Variants in PHF21A observed in about 807,000 individuals in gnomAD.
PHF21A encodes the protein PHD finger protein 21A.
In PHF21A, 11 loss-of-function variants were observed where a neutral mutation model predicts 82.5. That is an observed-to-expected ratio of 0.13 (90% CI 0.08 to 0.22). PHF21A has a LOEUF of 0.22. Among genes scored for constraint, PHF21A ranks in the 10% least tolerant of loss-of-function variants. The pLI is 1.00. For missense variants in PHF21A, 579 were observed against 837.8 expected, an observed-to-expected ratio of 0.69 and a Z score of 3.81; for synonymous variants, 297 against 302.8, an observed-to-expected ratio of 0.98 and a Z score of 0.20.
Position 45,946,001 on chromosome 11 carries a change from G to C in PHF21A, c.1291C>G (p.Arg431Gly). ...TMHPGTRKRGRPPKYNAVLGF... is the reference protein window; with the variant it reads ...TMHPGTRKRGGPPKYNAVLGF... ...AGCACTGCATTGTATTTTGGAGGAC[G>C]ACCTATATACCAAGAGAAGGGAACA... Residue 431 changes from arginine to glycine, a missense_variant and splice_region_variant, in exon 15 of 19, where the codon CGT becomes GGT. Around this residue, in one of 3 missense-constraint regions of PHF21A, gnomAD observed 410 missense variants for 642.1 expected, o/e 0.64. Transcript: ENST00000676320. The C allele has an allele frequency of 6.2e-7, 1 of 1,613,790 alleles. No individual in the cohort carries two copies. Among genetic ancestry groups the C allele is most frequent in the Non-Finnish European group, 8.5e-7 (1 of 1,179,856 alleles).
rs374415498 is a variant in PHF21A, at chr11:45,965,519, G to C, written c.792C>G (p.Pro264=). The change falls in exon 10 of 19, where the codon CCC becomes CCG. Residue 264 remains proline (P), a synonymous_variant. Transcript: ENST00000676320. ...MLAAPQLIQR[P]VMLTKFTPTT... ...TGGGGGTGAACTTGGTCAGCATGAC[G>C]GGCCTCTGGATAAGCTGAGGAGCTG... 2 of 1,610,884 alleles carry C rather than the reference G, an allele frequency of 1.2e-6. No individual in the cohort carries two copies. Among genetic ancestry groups the C allele is most frequent in the Non-Finnish European group, 1.7e-6 (2 of 1,178,218 alleles).
intron 5 of PHF21A, among the ~76,000 whole-genome samples, chr11:46,077,330 A>C (rs1565877624): frequency 6.6e-6 from 1 of 152,246 alleles, no homozygotes; most frequent in Non-Finnish European, 1.5e-5. Context: ...AACTGCCTTA[A>C]CACTACATCA....
At chr11:46,108,533 G>T (rs1022048296) in intron 1 of PHF21A, among the ~76,000 whole-genome samples, 1 of 146,180 alleles carries the variant, frequency 6.8e-6, no homozygotes, top group Non-Finnish European at 1.5e-5. Flanking sequence ...GAGTATTATG[G>T]TATAATTAAA....
At chr11:46,105,350 T>C (rs573849177) in intron 1 of PHF21A, among the ~76,000 whole-genome samples, 1 of 152,354 alleles carries the variant, frequency 6.6e-6, no homozygotes, top group Admixed American at 6.5e-5. Context: ...TTTCCAAGCA[T>C]GTGTGCCAGA....
intron 6 of PHF21A, among the ~76,000 whole-genome samples, chr11:46,001,589 A>G (rs907802072): frequency 2.6e-5 from 4 of 152,158 alleles, no homozygotes; most frequent in African/African-American, 9.7e-5. Flanking sequence ...TGTATAAGAA[A>G]AGAACAGGAA....
intron 6 of PHF21A, among the ~76,000 whole-genome samples, chr11:46,053,794 A>T (rs1012875459): frequency 1.3e-5 from 2 of 152,146 alleles, no homozygotes; most frequent in African/African-American, 4.8e-5. Flanking sequence ...CAATCACATA[A>T]ATTATTCTTC....
chr11:46,066,851 T>C (rs1250710098), intron 6 of PHF21A, among the ~76,000 whole-genome samples: 1 of 152,240 alleles, frequency 6.6e-6, no homozygotes, highest in African/African-American at 2.4e-5. Flanking sequence ...CTAGACTTTT[T>C]CCCATGCATT....
At chr11:45,945,216 G>C (rs1191852845) in intron 15 of PHF21A, among the ~76,000 whole-genome samples, 1 of 152,172 alleles carries the variant, frequency 6.6e-6, no homozygotes, top group Admixed American at 6.5e-5. Context: ...GCAGAGTAGC[G>C]CTCAGTGAGT....
chr11:46,013,057 T>C (rs2137451637), intron 6 of PHF21A, among the ~76,000 whole-genome samples: 1 of 152,300 alleles, frequency 6.6e-6, no homozygotes, highest in South Asian at 2.1e-4. Context: ...TGTTTTTTCC[T>C]ATATATTCAC....
At chr11:46,006,531 C>T (rs2095299519) in intron 6 of PHF21A, among the ~76,000 whole-genome samples, 1 of 152,104 alleles carries the variant, frequency 6.6e-6, no homozygotes, top group South Asian at 2.1e-4. Flanking sequence ...GCCACATTCA[C>T]TCTCTAAAGA....
intron 1 of PHF21A, among the ~76,000 whole-genome samples, chr11:46,112,440 T>G (rs2097227033): frequency 6.6e-6 from 1 of 152,198 alleles, no homozygotes; most frequent in Non-Finnish European, 1.5e-5. Flanking sequence ...GGTCATAGAT[T>G]TTAACAATTA....
chr11:46,061,968 T>C (rs2096540050), intron 6 of PHF21A, among the ~76,000 whole-genome samples: 1 of 152,210 alleles, frequency 6.6e-6, no homozygotes, highest in Non-Finnish European at 1.5e-5. Context: ...AATTCTATAC[T>C]GGAAATCACT....
intron 10 of PHF21A, among the ~76,000 whole-genome samples, chr11:45,960,701 A>C (rs999258783): frequency 3.3e-5 from 5 of 151,964 alleles, no homozygotes; most frequent in Non-Finnish European, 5.9e-5. Context: ...ACCTCAATTA[A>C]AAAAAAATTG....
At chr11:45,980,092 C>T (rs2094214435) in intron 6 of PHF21A, 126 bp from the exon 7 acceptor site, 5 of 1,351,288 alleles carry the variant, frequency 3.7e-6, no homozygotes, top group Non-Finnish European at 3.0e-6. Context: ...TAAATTTACA[C>T]AGGTTCTACA....
At position 46,084,137 on chromosome 11, in the gene PHF21A, G is replaced by A. The variant is rs2932515; in HGVS notation, c.54+29C>T. ...TAATCTTAGCCATTACTTAACAACA[G>A]TGTGGGAGAAGCCAATAATACAACT... On this transcript the variant is annotated intron_variant, in intron 4 of 18. Transcript: ENST00000676320. 1,404,300 of 1,524,712 alleles carry A rather than the reference G, an allele frequency of 0.92. 647,635 individuals carry two copies. Among genetic ancestry groups the A allele is most frequent in the East Asian group, 1 (42,751 of 42,768 alleles). 94.4% of individuals were successfully genotyped at this position (1,524,712 alleles called of 1,614,324 possible). A position where few individuals can be genotyped will look rare whatever the true frequency, so the allele number is the denominator to read the frequency against.
At chr11:46,060,359 C>T (rs2096519453) in intron 6 of PHF21A, among the ~76,000 whole-genome samples, 1 of 152,090 alleles carries the variant, frequency 6.6e-6, no homozygotes, top group South Asian at 2.1e-4. Context: ...GACTTCAACT[C>T]CTAATGCCAA....
At chr11:46,010,736 T>A (rs1365973431) in intron 6 of PHF21A, among the ~76,000 whole-genome samples, 1 of 152,198 alleles carries the variant, frequency 6.6e-6, no homozygotes, top group Non-Finnish European at 1.5e-5. Flanking sequence ...AAAAGATATA[T>A]GTATTTCTGT....
chr11:46,034,305 C>A (rs746414312), intron 6 of PHF21A, among the ~76,000 whole-genome samples: 1 of 143,530 alleles, frequency 7.0e-6, no homozygotes, highest in Non-Finnish European at 1.5e-5. Context: ...AGACTAATAA[C>A]CCTTTGTCAC....
chr11:45,974,636 G>A (rs1362946764), intron 7 of PHF21A, among the ~76,000 whole-genome samples: 1 of 151,524 alleles, frequency 6.6e-6, no homozygotes, highest in Non-Finnish European at 1.5e-5. Context: ...TTTATTTTTA[G>A]TAGAGACGTG....
Sources: gnomAD v4.1 joint callset for allele counts (sites outside exome capture counted in the v4.1 genomes callset) on GRCh38, gnomAD v4.1.1 for gene constraint, gnomAD v4.1.1 regional missense constraint, MANE v1.5 for transcripts, NCBI Gene and HGNC (gene_info 2026-07-23, HGNC 2026-07-21) for gene names.